TLE6: variants seen among roughly 807,000 people sequenced by gnomAD.
The protein encoded by TLE6 is transducin-like enhancer protein 6.
Under a neutral mutation model 77.1 loss-of-function variants are expected in TLE6, and 72 were observed. The ratio of observed to expected loss-of-function variants is 0.93; its 90% confidence interval spans 0.77 to 1.14. TLE6 has a LOEUF of 1.14. Ranked by LOEUF, TLE6 falls within the 50% of genes most tolerant of loss-of-function variation. The pLI is 0.00. For synonymous variants in TLE6, 366 were observed against 287.3 expected, an observed-to-expected ratio of 1.27 and a Z score of -2.77; for missense variants, 843 against 747.6, an observed-to-expected ratio of 1.13 and a Z score of -1.49.
chr19:2,994,478 T>C (rs796901350), intron 16 of TLE6, among the ~76,000 whole-genome samples: 129 of 151,948 alleles, frequency 8.5e-4, no homozygotes, highest in African/African-American at 2.7e-3. Flanking sequence ...GGCGTGGTGG[T>C]GGGCGCCTGT....
At chr19:2,991,129 C>T (rs558380919) in intron 13 of TLE6, among the ~76,000 whole-genome samples, 13 of 151,412 alleles carry the variant, frequency 8.6e-5, no homozygotes, top group Middle Eastern at 3.5e-3. Context: ...TTTGGGAAGC[C>T]GAGGCGGGCA....
chr19:2,981,871 C>T (rs1174554417), intron 4 of TLE6, among the ~76,000 whole-genome samples: 1 of 151,788 alleles, frequency 6.6e-6, no homozygotes, highest in Non-Finnish European at 1.5e-5. Flanking sequence ...ACTCGGGAGG[C>T]TGAGGCAGGA....
intron 16 of TLE6, 145 bp from the exon 17 acceptor site, chr19:2,994,755 G>A (rs2089171131): frequency 6.0e-6 from 3 of 498,322 alleles, no homozygotes; most frequent in Non-Finnish European, 1.1e-5. Flanking sequence ...AGCAAGCTGA[G>A]ATTGCACCAC....
chr19:2,995,028 C>A lies in TLE6; in HGVS notation c.*24C>A, dbSNP rs774620232. 1.1e-5 allele frequency: 16 copies of A among 1,444,208 alleles called. 1 individual carries two copies. The highest frequency in any genetic ancestry group is 5.9e-5 in the Admixed American group (3 of 50,494). The allele number at this position is 1,444,208 out of a possible 1,614,324, so 89.5% of individuals were successfully genotyped here. On this transcript the variant is annotated 3_prime_UTR_variant, in exon 17 of 17. Coordinates refer to ENST00000246112, the MANE Select transcript of TLE6 (RefSeq NM_001143986.2). ...GAGGGGCCTCGCTGCTGTCATCCCA[C>A]TCCGGCTCCTCTTTTCATCCCCCCC...
At chr19:2,993,052 A>C (rs1392696434) in intron 14 of TLE6, among the ~76,000 whole-genome samples, 1 of 139,944 alleles carries the variant, frequency 7.1e-6, no homozygotes, top group African/African-American at 2.8e-5. Flanking sequence ...AAAAAAAAAA[A>C]ACAGAATAAT....
rs1329055033 is a variant in TLE6 at position 2,982,629 on chromosome 19, T to C, written c.222+440T>C. On this transcript the variant is annotated intron_variant, in intron 5 of 16. Transcript: ENST00000246112. ...GAGCCTTGTGGGCCGTGGGAAGGAC[T>C]TGGGCTTTGACCCCAAGGGAGGTGG... Among the ~76,000 whole-genome samples the C allele has an allele frequency of 2.0e-5, 3 of 151,108 alleles. No homozygotes were observed. The South Asian group carries it at 6.3e-4, about 31-fold the overall frequency.
intron 3 of TLE6, among the ~76,000 whole-genome samples, chr19:2,980,825 A>G (rs937996894): frequency 6.7e-6 from 1 of 149,696 alleles, no homozygotes; most frequent in African/African-American, 2.5e-5. Context: ...CAGAGGCAGG[A>G]AGATCGCTTG....
At chr19:2,992,008 G>C in intron 14 of TLE6, 24 bp downstream of exon 14, 1 of 1,610,064 alleles carries the variant, frequency 6.2e-7, no homozygotes. Flanking sequence ...GATGGGGTCT[G>C]CTTGGCCAGG....
Position 2,994,082 on chromosome 19 carries a change from C to T in TLE6, c.1601C>T (p.Thr534Ile). 1 of 1,601,512 alleles carries T rather than the reference C, an allele frequency of 6.2e-7. No individual in the cohort carries two copies. ...FLGVYSMPAG[T>I]KVFEVPEMSP... ...GGCGTCTACAGCATGCCGGCGGGGA[C>T]AAAAGTGTTCGAGGTACTGCGGTGG... Residue 534 changes from threonine to isoleucine, a missense_variant, in exon 16 of 17, where the codon ACA (threonine) becomes ATA (isoleucine). Physicochemically the swap from Thr to Ile is moderately conservative, Grantham distance 89. Transcript: ENST00000246112.
chr19:2,989,631 C>T lies in TLE6; in HGVS notation c.1090C>T (p.Leu364=). 2 of 1,614,166 alleles carry T rather than the reference C, an allele frequency of 1.2e-6. No individual in the cohort carries two copies. The highest frequency in any genetic ancestry group is 1.1e-5 in the South Asian group (1 of 91,088). Residue 364 remains leucine (L), a synonymous_variant, in exon 13 of 17, where the codon CTG becomes TTG. Transcript: ENST00000246112. ...YNLASVSVWD[L]AAPSLHVKEQ... is the part of the protein sequence containing the mutation. ...CCTGGCCAGCGTGAGCGTGTGGGACCTGGCGGCGCCCTCCCTGCATGTGAA... is the reference window on the plus strand; with the variant it reads ...CCTGGCCAGCGTGAGCGTGTGGGACTTGGCGGCGCCCTCCCTGCATGTGAA...
chr19:2,992,264 G>A (rs973838643), intron 14 of TLE6, among the ~76,000 whole-genome samples: 3 of 152,128 alleles, frequency 2.0e-5, no homozygotes, highest in Admixed American at 2.0e-4. Flanking sequence ...CCTGAGGTCG[G>A]GAGTTCAAGA....
At chr19:2,983,188 A>C (rs1568210239) in intron 5 of TLE6, among the ~76,000 whole-genome samples, 1 of 152,204 alleles carries the variant, frequency 6.6e-6, no homozygotes, top group Non-Finnish European at 1.5e-5. Context: ...GCCAGGAAGC[A>C]ACCAAAACAT....
At chr19:2,994,699 G>T (rs1300283919) in intron 16 of TLE6, among the ~76,000 whole-genome samples, 1 of 152,228 alleles carries the variant, frequency 6.6e-6, no homozygotes. Context: ...AGCTACTTGG[G>T]AGGCTGAGGC....
intron 4 of TLE6, among the ~76,000 whole-genome samples, chr19:2,981,831 G>T (rs1382845481): frequency 2.0e-5 from 3 of 152,012 alleles, no homozygotes; most frequent in Non-Finnish European, 4.4e-5. Flanking sequence ...AATTAGCCGG[G>T]CATGGTGGCA....
chr19:2,991,257 G>T (rs1249062743), intron 13 of TLE6, among the ~76,000 whole-genome samples: 1 of 150,636 alleles, frequency 6.6e-6, no homozygotes, highest in African/African-American at 2.4e-5. Context: ...TACTCGGGAG[G>T]CTGAGGCAGG....
chr19:2,992,804 C>T (rs969529386), intron 14 of TLE6, among the ~76,000 whole-genome samples: 1 of 5,448 alleles, frequency 1.8e-4, no homozygotes, highest in African/African-American at 7.3e-4. Flanking sequence ...GGGGGGGAGG[C>T]GGGTGGGGGG....
chr19:2,991,017 C>T (rs908208259), intron 13 of TLE6, among the ~76,000 whole-genome samples: 1 of 132,368 alleles, frequency 7.6e-6, no homozygotes, highest in Non-Finnish European at 1.5e-5. Context: ...TACATACATA[C>T]ATACATACAT....
At chr19:2,984,491 C>G (rs1030603271) in intron 5 of TLE6, 1 of 152,164 alleles carries the variant, frequency 6.6e-6, no homozygotes, top group African/African-American at 2.4e-5. Flanking sequence ...GTTGTTTTGA[C>G]GGATCATGCT....
Position 2,995,068 on chromosome 19 carries a change from A to ACAC in TLE6, c.*66_*67insCCA. The ACAC allele has an allele frequency of 1.2e-6, 1 of 859,454 alleles. No individual in the cohort carries two copies. Among genetic ancestry groups the ACAC allele is most frequent in the Non-Finnish European group, 1.8e-6 (1 of 558,534 alleles). The allele number at this position is 859,454 out of a possible 1,614,324, so 53.2% of individuals were successfully genotyped here. A position where few individuals can be genotyped will look rare whatever the true frequency, so the allele number is the denominator to read the frequency against. On this transcript the variant is annotated 3_prime_UTR_variant, in exon 17 of 17. Coordinates refer to ENST00000246112, the MANE Select transcript of TLE6 (RefSeq NM_001143986.2). The stretch of plus-strand genomic sequence containing the variant: ...TCATCCCCCCCCTTCCCCCCCCCCA[A>ACAC]CAAGGGGGACATGGTGGAGGGAAGC...
Sources: gnomAD v4.1 joint callset for allele counts (sites outside exome capture counted in the v4.1 genomes callset) on GRCh38, gnomAD v4.1.1 for gene constraint, MANE v1.5 for transcripts, NCBI Gene and HGNC (gene_info 2026-07-23, HGNC 2026-07-21) for gene names.